GPLD1: variants seen among roughly 807,000 people sequenced by gnomAD.
GPLD1 encodes glycosylphosphatidylinositol specific phospholipase D1.
Under a neutral mutation model 112.6 loss-of-function variants are expected in GPLD1, and 84 were observed. The observed-to-expected ratio is 0.75, with a 90% CI of 0.63 to 0.89. The LOEUF is 0.89. GPLD1 is among the 40% of genes least tolerant of loss of function. GPLD1 has a pLI of 0.00. For missense variants in GPLD1, 1,044 were observed against 1,051.5 expected, an observed-to-expected ratio of 0.99 and a Z score of 0.10; for synonymous variants, 386 against 403.8, an observed-to-expected ratio of 0.96 and a Z score of 0.53.
rs58480061 is a variant in GPLD1 at position 24,440,581 on chromosome 6, C to CAAAAAA, written c.2021-3298_2021-3293dup. ...CATTATCAAAAGTGTAAAAAATACTCAAAAAAAAAAAAAAAAGAAGCATAA... is the reference window on the plus strand; with the variant it reads ...CATTATCAAAAGTGTAAAAAATACTCAAAAAAAAAAAAAAAAAAAAAAGAAGCATAA... On this transcript the variant is annotated intron_variant, in intron 20 of 24. Coordinates refer to ENST00000230036, the MANE Select transcript of GPLD1 (RefSeq NM_001503.4). Among the ~76,000 whole-genome samples, 1,008 of 118,506 alleles carry CAAAAAA rather than the reference C, an allele frequency of 8.5e-3. 20 individuals are homozygous for CAAAAAA. The highest frequency in any genetic ancestry group is 0.023 in the African/African-American group (784 of 34,554). The allele number at this position is 118,506 out of a possible 152,430, so 77.7% of individuals were successfully genotyped here. A position where few individuals can be genotyped will look rare whatever the true frequency, so the allele number is the denominator to read the frequency against.
chr6:24,430,518 A>C (rs16889242), intron 24 of GPLD1, among the ~76,000 whole-genome samples: 17,543 of 152,114 alleles, frequency 0.12, 1,335 homozygotes, highest in East Asian at 0.16. Context: ...ACTATACACT[A>C]AGTTACTGCT....
exon 1 of GPLD1, chr6:24,495,030 GC>G (rs761736693): frequency 4.5e-6 from 6 of 1,347,612 alleles, no homozygotes; most frequent in Non-Finnish European, 5.7e-6. Context: ...GAGCTGTGGG[GC>G]CCGGCGCCTC....
At chr6:24,460,521 A>G in intron 11 of GPLD1, 122 bp from the exon 12 acceptor site, 4 of 939,492 alleles carry the variant, frequency 4.3e-6, no homozygotes, top group Non-Finnish European at 6.4e-6. Flanking sequence ...TAACGTCAGA[A>G]GGCTGAAGGA....
At chr6:24,482,778 G>A (rs948536814) in intron 2 of GPLD1, among the ~76,000 whole-genome samples, 1 of 147,096 alleles carries the variant, frequency 6.8e-6, no homozygotes, top group African/African-American at 2.5e-5. Context: ...GGGTGACATG[G>A]CAAGACTCTG....
chr6:24,466,997 C>CA, intron 8 of GPLD1, 58 bp from the exon 9 acceptor site: 1 of 1,450,654 alleles, frequency 6.9e-7, no homozygotes, highest in Non-Finnish European at 9.7e-7. Context: ...AGAAATGAAG[C>CA]AAATAATGAA....
intron 14 of GPLD1, among the ~76,000 whole-genome samples, chr6:24,452,865 T>C (rs559207217): frequency 6.6e-6 from 1 of 151,868 alleles, no homozygotes; most frequent in South Asian, 2.1e-4. Flanking sequence ...GTGCCTTGCC[T>C]GGAACAAGAA....
intron 18 of GPLD1, among the ~76,000 whole-genome samples, chr6:24,446,108 G>A (rs182582160): frequency 6.9e-6 from 1 of 145,102 alleles, no homozygotes; most frequent in Admixed American, 6.8e-5. Context: ...TATGGGCTCA[G>A]TGGTGGTCCC....
intron 7 of GPLD1, among the ~76,000 whole-genome samples, chr6:24,467,537 TAAATC>T (rs1476594756): frequency 7.9e-5 from 12 of 152,208 alleles, no homozygotes; most frequent in African/African-American, 2.4e-4. Flanking sequence ...ACTGGTAACT[TAAATC>T]AAATATTTAT....
chr6:24,492,837 C>A (rs1764591887), upstream of GPLD1, among the ~76,000 whole-genome samples: 1 of 152,088 alleles, frequency 6.6e-6, no homozygotes, highest in South Asian at 2.1e-4. Flanking sequence ...AAGCTCCAGG[C>A]GCTTTTGCCT....
intron 1 of GPLD1, chr6:24,494,857 C>A: frequency 1.0e-6 from 1 of 981,800 alleles, no homozygotes; most frequent in Non-Finnish European, 1.3e-6. Context: ...TGCTCTGTGG[C>A]TCTGCAACCT....
intron 7 of GPLD1, among the ~76,000 whole-genome samples, chr6:24,470,258 A>G (rs937576682): frequency 2.0e-5 from 3 of 152,140 alleles, no homozygotes; most frequent in Non-Finnish European, 2.9e-5. Context: ...ATCACCAAAC[A>G]TGACCAGTAT....
chr6:24,485,126 T>A (rs7748068), intron 2 of GPLD1, among the ~76,000 whole-genome samples: 26,862 of 152,146 alleles, frequency 0.18, 2,735 homozygotes, highest in African/African-American at 0.28. Context: ...AGAATCTCAG[T>A]GCGTATTTCT....
chr6:24,432,958 G>A (rs1315688969), intron 24 of GPLD1, among the ~76,000 whole-genome samples: 2 of 152,170 alleles, frequency 1.3e-5, no homozygotes, highest in Non-Finnish European at 2.9e-5. Context: ...ACAAAATTAG[G>A]TGGCAGACGA....
In GPLD1 at chr6:24,462,670, T is replaced by C. The variant is rs112182525; in HGVS notation, c.887+60A>G. 9.6e-5 allele frequency: 101 copies of C among 1,056,184 alleles called. 2 individuals are homozygous for C. The highest frequency in any genetic ancestry group is 8.1e-4 in the African/African-American group (52 of 64,520). The allele number at this position is 1,056,184 out of a possible 1,614,324, so 65.4% of individuals were successfully genotyped here. A position where few individuals can be genotyped will look rare whatever the true frequency, so the allele number is the denominator to read the frequency against. ...ACAGATCCCGTGTTCTCAACCTCTA[T>C]AGGGCATCTCCTCCAGGTGAGATGT... is the stretch of plus-strand genomic sequence containing the variant. On this transcript the variant is annotated intron_variant, in intron 11 of 24. Transcript: ENST00000230036.
At chr6:24,448,507 G>A (rs1164928149) in intron 15 of GPLD1, among the ~76,000 whole-genome samples, 1 of 152,110 alleles carries the variant, frequency 6.6e-6, no homozygotes, top group East Asian at 1.9e-4. Context: ...TCCATTCTGC[G>A]CATTGCTGCT....
intron 14 of GPLD1, among the ~76,000 whole-genome samples, chr6:24,451,802 A>T (rs1473786143): frequency 1.3e-5 from 2 of 152,226 alleles, no homozygotes; most frequent in Non-Finnish European, 2.9e-5. Context: ...TCTGTAAGGC[A>T]GAAACTTGAT....
At chr6:24,460,125 T>C (rs932762866) in intron 12 of GPLD1, among the ~76,000 whole-genome samples, 154 bp downstream of exon 12, 1 of 152,162 alleles carries the variant, frequency 6.6e-6, no homozygotes, top group Admixed American at 6.5e-5. Flanking sequence ...CTCAAACTCC[T>C]GGACTCAAGG....
intron 12 of GPLD1, among the ~76,000 whole-genome samples, chr6:24,457,741 C>T (rs139212199): frequency 9.3e-5 from 14 of 151,316 alleles, no homozygotes; most frequent in African/African-American, 2.2e-4. Context: ...GGAGTGGTGG[C>T]GGGCACCTGT....
chr6:24,489,279 T>C, intron 1 of GPLD1, 136 bp downstream of exon 1: 1 of 645,034 alleles, frequency 1.6e-6, no homozygotes, highest in South Asian at 2.0e-5. Flanking sequence ...CGGCTTCTCC[T>C]CCCTGCTGTC....
Sources: gnomAD v4.1 joint callset for allele counts (sites outside exome capture counted in the v4.1 genomes callset) on GRCh38, gnomAD v4.1.1 for gene constraint, MANE v1.5 for transcripts, NCBI Gene and HGNC (gene_info 2026-07-23, HGNC 2026-07-21) for gene names.